Variants in CLRN3 observed in about 807,000 individuals in gnomAD.
CLRN3 encodes the protein clarin 3.
Under a neutral mutation model 16.7 loss-of-function variants are expected in CLRN3, and 12 were observed. The observed-to-expected ratio is 0.72, with a 90% CI of 0.46 to 1.16. The LOEUF is 1.16. CLRN3 is among the 50% of genes most tolerant of loss of function. The probability of loss-of-function intolerance (pLI) is 0.00; values close to 1 mark genes in which losing one functional copy is unlikely to be tolerated. For synonymous variants in CLRN3, 118 were observed against 113.0 expected, an observed-to-expected ratio of 1.04 and a Z score of -0.28; for missense variants, 296 against 274.2, an observed-to-expected ratio of 1.08 and a Z score of -0.56.
At chr10:127,884,457 C>T (rs1413867401) in intron 1 of CLRN3, among the ~76,000 whole-genome samples, 1 of 152,204 alleles carries the variant, frequency 6.6e-6, no homozygotes, top group African/African-American at 2.4e-5. Context: ...TGGTGCAAAT[C>T]GAGTTGTGGG....
At chr10:127,889,525 G>C (rs539535446) in intron 1 of CLRN3, among the ~76,000 whole-genome samples, 83 of 152,116 alleles carry the variant, frequency 5.5e-4, no homozygotes, top group Non-Finnish European at 1.0e-3. Flanking sequence ...TAGGGAGGCT[G>C]AGGCACGAGA....
Position 127,877,861 on chromosome 10 carries a change from C to A in CLRN3, c.*288G>T. On this transcript the variant is annotated 3_prime_UTR_variant, in exon 3 of 3. Coordinates refer to ENST00000368671, the MANE Select transcript of CLRN3 (RefSeq NM_152311.5). ...TCAAAGAAAAGAAACATGACACAGC[C>A]TTTTATTATTTCAGATCGTGAGACC... is the stretch of plus-strand genomic sequence containing the variant. 5.6e-6 allele frequency: 2 copies of A among 357,422 alleles called. No individual in the cohort carries two copies. The highest frequency in any genetic ancestry group is 3.4e-5 in the South Asian group (1 of 29,796). The allele number at this position is 357,422 out of a possible 1,614,324, so 22.1% of individuals were successfully genotyped here.
intron 2 of CLRN3, among the ~76,000 whole-genome samples, chr10:127,882,308 AC>A (rs1845137019): frequency 6.6e-6 from 1 of 152,156 alleles, no homozygotes; most frequent in African/African-American, 2.4e-5. Flanking sequence ...AACTAGCCTG[AC>A]CCCAAATCCT....
intron 1 of CLRN3, among the ~76,000 whole-genome samples, chr10:127,890,833 T>C (rs1022066163): frequency 6.6e-6 from 1 of 152,178 alleles, no homozygotes; most frequent in African/African-American, 2.4e-5. Flanking sequence ...TTCCCCTGTC[T>C]GAGAGAACTG....
At position 127,878,298 on chromosome 10, in the gene CLRN3, C is replaced by T. The variant is rs375816600; in HGVS notation, c.532G>A (p.Gly178Arg). The T allele has an allele frequency of 1.1e-3, 1,801 of 1,614,144 alleles. 46 individuals carry two copies. In the South Asian group the frequency reaches 0.019, roughly 17 times the overall value. Residue 178 changes from glycine (G) to arginine (R), a missense_variant, in exon 3 of 3, where the codon GGA becomes AGA. Coordinates refer to ENST00000368671, the MANE Select transcript of CLRN3 (RefSeq NM_152311.5). ...AGCAGTATGAGCCAGAACGAGTATC[C>T]GTAACTGTGGGTCGTTCCTTTACTG... is the stretch of plus-strand genomic sequence containing the variant. ...TTSKGTTHSY[G>R]YSFWLILLVI...
chr10:127,886,318 A>G (rs1376371647), intron 1 of CLRN3, among the ~76,000 whole-genome samples: 1 of 152,316 alleles, frequency 6.6e-6, no homozygotes, highest in Non-Finnish European at 1.5e-5. Context: ...GCAATGTTCT[A>G]TGAGGAAGAA....
rs1436984503 is a variant in CLRN3, at chr10:127,878,007, T to C, written c.*142A>G. On this transcript the variant is annotated 3_prime_UTR_variant, in exon 3 of 3. Coordinates refer to ENST00000368671, the MANE Select transcript of CLRN3 (RefSeq NM_152311.5). ...AAAATTTTCAGGAGTACAGCATCAA[T>C]GAAGAACACAGTGTCATGAAACACA... is the stretch of plus-strand genomic sequence containing the variant. The C allele has an allele frequency of 1.9e-6, 2 of 1,051,442 alleles. No homozygotes were observed. Among genetic ancestry groups the C allele is most frequent in the Non-Finnish European group, 2.7e-6 (2 of 736,896 alleles). 65.1% of individuals were successfully genotyped at this position (1,051,442 alleles called of 1,614,324 possible).
At chr10:127,883,657 A>C (rs1462889847) in intron 2 of CLRN3, 39 bp downstream of exon 2, 1 of 1,432,354 alleles carries the variant, frequency 7.0e-7, no homozygotes, top group African/African-American at 1.4e-5. Flanking sequence ...AGCGGGATGC[A>C]GTTTTCTGCA....
intron 1 of CLRN3, among the ~76,000 whole-genome samples, chr10:127,890,031 T>A (rs1269140015): frequency 6.6e-6 from 1 of 152,194 alleles, no homozygotes; most frequent in East Asian, 1.9e-4. Context: ...GACCTGCACA[T>A]ACCATGCTCC....
chr10:127,883,822 G>A lies in CLRN3; in HGVS notation c.283C>T (p.Leu95=), dbSNP rs1185994160. The A allele has an allele frequency of 1.6e-5, 26 of 1,614,228 alleles. No individual in the cohort carries two copies. Among genetic ancestry groups the A allele is most frequent in the Non-Finnish European group, 2.0e-5 (24 of 1,180,044 alleles). Residue 95 remains leucine, a synonymous_variant, in exon 2 of 3, where the codon CTG becomes TTG. Transcript: ENST00000368671. ...SQKTLHSVTI[L]FLVLSLITSL... The stretch of plus-strand genomic sequence containing the variant: ...GTGATCAAACTCAGGACCAGGAACA[G>A]GATAGTCACCGAATGCAGAGTTTTT...
chr10:127,886,847 A>G (rs1000123173), intron 1 of CLRN3, among the ~76,000 whole-genome samples: 2 of 152,224 alleles, frequency 1.3e-5, no homozygotes, highest in Admixed American at 6.5e-5. Context: ...CTAATAACCC[A>G]TAGAGCGTGG....
intron 2 of CLRN3, 108 bp from the exon 3 acceptor site, chr10:127,878,528 G>T: frequency 6.9e-7 from 1 of 1,454,980 alleles, no homozygotes; most frequent in Non-Finnish European, 9.2e-7. Flanking sequence ...CTACACAGGA[G>T]TTTACACTCT....
chr10:127,889,527 G>A (rs34633109), intron 1 of CLRN3, among the ~76,000 whole-genome samples: 1 of 151,956 alleles, frequency 6.6e-6, no homozygotes, highest in Non-Finnish European at 1.5e-5. Context: ...GGGAGGCTGA[G>A]GCACGAGAAT....
In CLRN3 at chr10:127,878,285, C is replaced by G; in HGVS notation, c.545G>C (p.Trp182Ser). Residue 182 changes from tryptophan to serine, a missense_variant, in exon 3 of 3, where the codon TGG (tryptophan) becomes TCG (serine). Transcript: ENST00000368671. The stretch of plus-strand genomic sequence containing the variant: ...TAGAAGAATGACGAGCAGTATGAGC[C>G]AGAACGAGTATCCGTAACTGTGGGT... ...GTTHSYGYSF[W>S]LILLVILLNI... The G allele has an allele frequency of 6.2e-7, 1 of 1,614,188 alleles. No homozygotes were observed. The highest frequency in any genetic ancestry group is 8.5e-7 in the Non-Finnish European group (1 of 1,180,042).
At chr10:127,892,072 C>T (rs981071560) in intron 1 of CLRN3, among the ~76,000 whole-genome samples, 7 of 152,084 alleles carry the variant, frequency 4.6e-5, no homozygotes, top group African/African-American at 1.2e-4. Context: ...TAATTTCCAA[C>T]GATTAGATTT....
intron 2 of CLRN3, 28 bp downstream of exon 2, chr10:127,883,668 G>A (rs1349975145): frequency 1.3e-6 from 2 of 1,540,986 alleles, no homozygotes; most frequent in Admixed American, 3.3e-5. Flanking sequence ...GTTTTCTGCA[G>A]AGCACCGAGT....
chr10:127,884,533 G>A (rs962702387), intron 1 of CLRN3, among the ~76,000 whole-genome samples: 10 of 152,252 alleles, frequency 6.6e-5, no homozygotes, highest in African/African-American at 2.4e-4. Context: ...TCCAACGCTG[G>A]AGGCGGCTGG....
At chr10:127,883,158 G>A (rs1315939438) in intron 2 of CLRN3, among the ~76,000 whole-genome samples, 1 of 152,220 alleles carries the variant, frequency 6.6e-6, no homozygotes, top group Non-Finnish European at 1.5e-5. Flanking sequence ...TCTCTTATGT[G>A]CCATTATCTG....
At chr10:127,880,644 G>C (rs1845117960) in intron 2 of CLRN3, among the ~76,000 whole-genome samples, 1 of 152,218 alleles carries the variant, frequency 6.6e-6, no homozygotes, top group Non-Finnish European at 1.5e-5. Context: ...CATCAGGTCA[G>C]TGTGGTGTAG....
Sources: gnomAD v4.1 joint callset for allele counts (sites outside exome capture counted in the v4.1 genomes callset) on GRCh38, gnomAD v4.1.1 for gene constraint, MANE v1.5 for transcripts, NCBI Gene and HGNC (gene_info 2026-07-23, HGNC 2026-07-21) for gene names.